Variants in ACSS1 observed in about 807,000 individuals in gnomAD.
The protein encoded by ACSS1 is acetyl-coenzyme A synthetase 2-like, mitochondrial.
A neutral mutation model predicts 75.3 loss-of-function variants in ACSS1; 42 were observed. The ratio of observed to expected loss-of-function variants is 0.56; its 90% confidence interval spans 0.44 to 0.72. The LOEUF is 0.72. Among genes scored for constraint, ACSS1 ranks in the 30% least tolerant of loss-of-function variants. ACSS1 has a pLI of 0.00. For missense variants in ACSS1, 782 were observed against 935.7 expected (o/e 0.84, Z 2.14); for synonymous variants, 380 against 376.8 (o/e 1.01, Z -0.10).
At chr20:25,044,693 G>A (rs6083726) in intron 2 of ACSS1, among the ~76,000 whole-genome samples, 6,541 of 152,236 alleles carry the variant, frequency 0.043, 527 homozygotes, top group African/African-American at 0.15. Flanking sequence ...AGCCACTGCC[G>A]TCCCAGAGTG....
At chr20:25,020,892 G>A (rs1251753634) in intron 6 of ACSS1, among the ~76,000 whole-genome samples, 2 of 152,254 alleles carry the variant, frequency 1.3e-5, no homozygotes, top group Non-Finnish European at 2.9e-5. Context: ...TGCTGTGTGG[G>A]AGGACGATGC....
rs1181296672 is a variant in ACSS1 at position 25,014,082 on chromosome 20, A to G, written c.1340-9T>C. 1.9e-6 allele frequency: 3 copies of G among 1,596,228 alleles called. No individual in the cohort carries two copies. Among genetic ancestry groups the G allele is most frequent in the Non-Finnish European group, 2.6e-6 (3 of 1,171,286 alleles). ...GCAGATGCCACCTGTTTCTGCAGGT[A>G]TGACAAGAAAGAAATGCATAATCGG... On this transcript the variant is annotated splice_polypyrimidine_tract_variant and intron_variant, in intron 8 of 13. Transcript: ENST00000323482.
rs144950897 is a variant in ACSS1, at chr20:25,051,194, G to C, written c.335-3013C>G. On this transcript the variant is annotated intron_variant, in intron 1 of 13. Coordinates refer to ENST00000323482, the MANE Select transcript of ACSS1 (RefSeq NM_032501.4). ...CGCTCACTCTCCCGAGCACCTCACT[G>C]TCCCAGACCCTGCGCATCCCCCAAC... is the stretch of plus-strand genomic sequence containing the variant. Among the ~76,000 whole-genome samples the C allele has an allele frequency of 5.0e-3, 766 of 152,292 alleles. 3 individuals carry two copies. The highest frequency in any genetic ancestry group is 0.011 in the South Asian group (54 of 4,832).
intron 7 of ACSS1, among the ~76,000 whole-genome samples, chr20:25,018,931 G>A (rs1404622954): frequency 6.6e-6 from 1 of 152,222 alleles, no homozygotes; most frequent in Admixed American, 6.5e-5. Context: ...TCGCCACCCT[G>A]TAGGTAGGTC....
At position 25,007,252 on chromosome 20, in the gene ACSS1, C is replaced by A; in HGVS notation, c.*510G>T. ...CAGTAGAGGCAAAAAAGGAGATTTT[C>A]ATAACTACATGTTAAAAAGAACATG... On this transcript the variant is annotated 3_prime_UTR_variant, in exon 14 of 14. Transcript: ENST00000323482. The A allele has an allele frequency of 8.7e-7, 1 of 1,142,876 alleles. No individual in the cohort carries two copies. Among genetic ancestry groups the A allele is most frequent in the Non-Finnish European group, 1.1e-6 (1 of 928,442 alleles). 70.8% of individuals were successfully genotyped at this position (1,142,876 alleles called of 1,614,324 possible).
At chr20:25,038,322 C>T (rs181578933) in intron 2 of ACSS1, among the ~76,000 whole-genome samples, 47 of 152,290 alleles carry the variant, frequency 3.1e-4, no homozygotes, top group Middle Eastern at 3.4e-3. Context: ...AACACAGCCC[C>T]CCACACCACT....
chr20:25,020,221 A>G, intron 6 of ACSS1, 74 bp from the exon 7 acceptor site: 2 of 1,596,068 alleles, frequency 1.3e-6, no homozygotes, highest in East Asian at 2.2e-5. Flanking sequence ...ATCAGCCAAG[A>G]CTTCCTGAGT....
chr20:25,013,901 G>A, intron 9 of ACSS1, 60 bp downstream of exon 9: 1 of 1,530,736 alleles, frequency 6.5e-7, no homozygotes, highest in Non-Finnish European at 9.0e-7. Flanking sequence ...GCTGGGCTGG[G>A]CAGGCAGGGA....
At chr20:25,039,596 A>G (rs2088970002) in intron 2 of ACSS1, among the ~76,000 whole-genome samples, 1 of 152,180 alleles carries the variant, frequency 6.6e-6, no homozygotes, top group Admixed American at 6.5e-5. Context: ...TTCATCATTC[A>G]GTGTTTGGCT....
intron 12 of ACSS1, chr20:25,011,456 C>T (rs1219009422): frequency 1.3e-5 from 2 of 152,232 alleles, no homozygotes; most frequent in African/African-American, 2.4e-5. Context: ...CCTGTGGACC[C>T]CCAGCCCAGA....
intron 2 of ACSS1, among the ~76,000 whole-genome samples, chr20:25,045,280 G>C (rs935226043): frequency 6.6e-6 from 1 of 152,190 alleles, no homozygotes; most frequent in South Asian, 2.1e-4. Flanking sequence ...ACTAGAACTA[G>C]AACGGGCCTC....
chr20:25,031,210 T>C (rs1600329658), intron 2 of ACSS1: 2 of 561,728 alleles, frequency 3.6e-6, no homozygotes, highest in South Asian at 3.5e-5. Context: ...TAAGTCCGCT[T>C]ACGGCAGGGT....
chr20:25,037,071 T>C (rs78137990), intron 2 of ACSS1, among the ~76,000 whole-genome samples: 2,445 of 151,754 alleles, frequency 0.016, 85 homozygotes, highest in African/African-American at 0.056. Context: ...GAATGCATGA[T>C]TGTTTATTGC....
At chr20:25,055,419 C>T (rs143170905) in intron 1 of ACSS1, among the ~76,000 whole-genome samples, 134 of 152,284 alleles carry the variant, frequency 8.8e-4, no homozygotes, top group African/African-American at 3.2e-3. Flanking sequence ...AACTGTGTTG[C>T]GCCATCCACA....
Position 25,026,214 on chromosome 20 carries a change from A to G in ACSS1, c.632-2573T>C, listed in dbSNP as rs80290447. The stretch of plus-strand genomic sequence containing the variant: ...TGAGAGCCTAGCGGTCAGACTCACA[A>G]TATACACCCACCTCCCAGTGGCCAA... On this transcript the variant is annotated intron_variant, in intron 3 of 13. Coordinates refer to ENST00000323482, the MANE Select transcript of ACSS1 (RefSeq NM_032501.4). 9.3e-4 allele frequency among the ~76,000 whole-genome samples: 141 copies of G among 152,252 alleles called. 4 individuals carry two copies. The East Asian group carries it at 0.027, about 29-fold the overall frequency.
In ACSS1 at chr20:25,006,622, C is replaced by T. The variant is rs2088312763; in HGVS notation, c.*1140G>A. The T allele has an allele frequency of 1.8e-6, 1 of 550,196 alleles. No homozygotes were observed. The highest frequency in any genetic ancestry group is 3.2e-6 in the Non-Finnish European group (1 of 315,584). 34.1% of individuals were successfully genotyped at this position (550,196 alleles called of 1,614,324 possible). On this transcript the variant is annotated 3_prime_UTR_variant, in exon 14 of 14. Coordinates refer to ENST00000323482, the MANE Select transcript of ACSS1 (RefSeq NM_032501.4). The stretch of plus-strand genomic sequence containing the variant: ...TCTCCCTCCCCTAAGGGACCCGGCT[C>T]ACTGGGCCTCCTTCCCCTGCCAACC...
At chr20:25,044,970 G>T (rs6083729) in intron 2 of ACSS1, among the ~76,000 whole-genome samples, 17,389 of 152,258 alleles carry the variant, frequency 0.11, 1,044 homozygotes, top group Middle Eastern at 0.16. Context: ...GGGCAAAACC[G>T]CGGCAGGGGA....
chr20:25,026,592 C>T lies in ACSS1; in HGVS notation c.632-2951G>A, dbSNP rs112610045. Among the ~76,000 whole-genome samples, 629 of 152,284 alleles carry T rather than the reference C, an allele frequency of 4.1e-3. 4 individuals carry two copies. The highest frequency in any genetic ancestry group is 0.015 in the African/African-American group (605 of 41,550). ...GTCATGGAGCAGAAAACAGCCATTCCCCTGTCCCCATCTGATTCCTGTCCC... is the reference window on the plus strand; with the variant it reads ...GTCATGGAGCAGAAAACAGCCATTCTCCTGTCCCCATCTGATTCCTGTCCC... On this transcript the variant is annotated intron_variant, in intron 3 of 13. Coordinates refer to ENST00000323482, the MANE Select transcript of ACSS1 (RefSeq NM_032501.4).
Position 25,006,721 on chromosome 20 carries a change from A to G in ACSS1, c.*1041T>C. 8.2e-7 allele frequency: 1 copy of G among 1,218,452 alleles called. No homozygotes were observed. The highest frequency in any genetic ancestry group is 1.1e-6 in the Non-Finnish European group (1 of 892,834). 75.5% of individuals were successfully genotyped at this position (1,218,452 alleles called of 1,614,324 possible). A position where few individuals can be genotyped will look rare whatever the true frequency, so the allele number is the denominator to read the frequency against. On this transcript the variant is annotated 3_prime_UTR_variant, in exon 14 of 14. Coordinates refer to ENST00000323482, the MANE Select transcript of ACSS1 (RefSeq NM_032501.4). The stretch of plus-strand genomic sequence containing the variant: ...GATTTCCATTATCTTGCTAATGTTG[A>G]CAGCACCTAAGTCACATTAAAACAA...
Sources: gnomAD v4.1 joint callset for allele counts (sites outside exome capture counted in the v4.1 genomes callset) on GRCh38, gnomAD v4.1.1 for gene constraint, MANE v1.5 for transcripts, NCBI Gene and HGNC (gene_info 2026-07-23, HGNC 2026-07-21) for gene names.